Variants in SCN7A observed in about 807,000 individuals in gnomAD.
The protein encoded by SCN7A is sodium voltage-gated channel alpha subunit 7.
SCN7A carries 138 observed loss-of-function variants against 155.2 expected under a neutral mutation model. That is an observed-to-expected ratio of 0.89 (90% CI 0.77 to 1.02). SCN7A has a LOEUF of 1.02. Among genes scored for constraint, SCN7A ranks in the 50% least tolerant of loss-of-function variants. The probability of loss-of-function intolerance (pLI) is 0.00; values close to 1 mark genes in which losing one functional copy is unlikely to be tolerated. For missense variants in SCN7A, 2,058 were observed against 1,986.6 expected (o/e 1.04, Z -0.68); for synonymous variants, 693 against 649.0 (o/e 1.07, Z -1.03).
intron 21 of SCN7A, among the ~76,000 whole-genome samples, chr2:166,413,865 T>A (rs2105369955): frequency 6.8e-6 from 1 of 148,136 alleles, no homozygotes; most frequent in East Asian, 2.0e-4. Flanking sequence ...GTTTTGAGAC[T>A]CGGACTGGCT....
chr2:166,472,017 G>C (rs1016682334), intron 6 of SCN7A, among the ~76,000 whole-genome samples: 1 of 151,784 alleles, frequency 6.6e-6, no homozygotes, highest in African/African-American at 2.4e-5. Flanking sequence ...CAACGTGCAG[G>C]TTAGCTACAT....
chr2:166,452,554 A>G (rs1041563266), intron 11 of SCN7A, among the ~76,000 whole-genome samples: 1 of 152,162 alleles, frequency 6.6e-6, no homozygotes, highest in African/African-American at 2.4e-5. Flanking sequence ...ATCATTTTTT[A>G]ATTCGTTACA....
rs759318361 is a variant in SCN7A at position 166,406,089 on chromosome 2, C to A, written c.4540G>T (p.Asp1514Tyr). Residue 1514 changes from aspartate to tyrosine, a missense_variant, in exon 26 of 26, where the codon GAT (aspartate) becomes TAT (tyrosine). Transcript: ENST00000643258. The stretch of plus-strand genomic sequence containing the variant: ...CATACCTGAAAGAATTTCCTAAAAT[C>A]ATCTTCACTCAAGGTCTTGTTTTTC... Reference protein sequence around the residue: ...KKKNKTLSEDDFRKFFQVWKR... With the variant: ...KKKNKTLSEDYFRKFFQVWKR... 2 of 1,612,314 alleles carry A rather than the reference C, an allele frequency of 1.2e-6. No homozygotes were observed. Among genetic ancestry groups the A allele is most frequent in the South Asian group, 1.1e-5 (1 of 91,018 alleles).
At chr2:166,434,085 T>C (rs1168262077) in intron 15 of SCN7A, among the ~76,000 whole-genome samples, 1 of 152,156 alleles carries the variant, frequency 6.6e-6, no homozygotes, top group Non-Finnish European at 1.5e-5. Context: ...CAAAGACTCA[T>C]ATTTTGAAAC....
rs1344376562 is a variant in SCN7A at position 166,405,791 on chromosome 2, C to T, written c.4838G>A (p.Cys1613Tyr). 6.2e-7 allele frequency: 1 copy of T among 1,612,936 alleles called. No homozygotes were observed. Among genetic ancestry groups the T allele is most frequent in the Non-Finnish European group, 8.5e-7 (1 of 1,179,370 alleles). ...FLLANPFKIT[C>Y]EPITTTLKRK... Reference sequence around the variant, plus strand: ...TTTCAAAGTAGTCGTAATTGGCTCACATGTGATCTTAAAAGGGTTGGCTAA... The same window carrying T: ...TTTCAAAGTAGTCGTAATTGGCTCATATGTGATCTTAAAAGGGTTGGCTAA... The change falls in exon 26 of 26, where the codon TGT (cysteine) becomes TAT (tyrosine). Residue 1613 changes from cysteine (C) to tyrosine (Y), a missense_variant. Transcript: ENST00000643258.
At position 166,443,559 on chromosome 2, in the gene SCN7A, T is replaced by C. The variant is rs1346760508; in HGVS notation, c.1744A>G (p.Ile582Val). ...GCAACATTTGCTAGACAAAGTTCTA[T>C]TAAACCATGGAACACTATCATGCTA... is the stretch of plus-strand genomic sequence containing the variant. ...FDSMIVFHGL[I>V]ELCLANVAGM... Residue 582 changes from isoleucine to valine, a missense_variant, in exon 14 of 26, where the codon ATA becomes GTA. Coordinates refer to ENST00000643258, the MANE Select transcript of SCN7A (RefSeq NM_002976.4). The C allele has an allele frequency of 6.3e-7, 1 of 1,595,614 alleles. No homozygotes were observed. The highest frequency in any genetic ancestry group is 1.7e-5 in the Admixed American group (1 of 57,304).
chr2:166,432,189 G>A (rs1287725029), intron 16 of SCN7A, 129 bp downstream of exon 16: 3 of 668,548 alleles, frequency 4.5e-6, no homozygotes, highest in Non-Finnish European at 7.5e-6. Flanking sequence ...GGCTAAGAGT[G>A]ATGGAGCTAG....
At chr2:166,460,700 C>T (rs1355046065) in intron 10 of SCN7A, among the ~76,000 whole-genome samples, 1 of 152,040 alleles carries the variant, frequency 6.6e-6, no homozygotes, top group East Asian at 1.9e-4. Context: ...GTACAACATA[C>T]ATGGAAATAT....
Position 166,414,232 on chromosome 2 carries a change from A to AT in SCN7A, c.3415-1112dup, listed in dbSNP as rs1359619124. 3.2e-3 allele frequency among the ~76,000 whole-genome samples: 256 copies of AT among 79,958 alleles called. 2 individuals carry two copies. The highest frequency in any genetic ancestry group is 7.9e-3 in the African/African-American group (151 of 19,148). The allele number at this position is 79,958 out of a possible 152,430, so 52.5% of individuals were successfully genotyped here. A position where few individuals can be genotyped will look rare whatever the true frequency, so the allele number is the denominator to read the frequency against. On this transcript the variant is annotated intron_variant, in intron 21 of 25. Transcript: ENST00000643258. ...TATGTAAATATATATAAATATATAT[A>AT]TCTATATATGTAAATATATATAGAT...
Position 166,478,980 on chromosome 2 carries a change from T to C in SCN7A, c.-14-1270A>G, listed in dbSNP as rs1575064961. ...TCAAAATTTACTCTTCCAATGATTC[T>C]ATTCAATGTCAAAAGATTGATTTTT... On this transcript the variant is annotated intron_variant, in intron 2 of 25. Transcript: ENST00000643258. 2.0e-5 allele frequency among the ~76,000 whole-genome samples: 3 copies of C among 152,238 alleles called. No individual in the cohort carries two copies. In the East Asian group the frequency reaches 5.8e-4, roughly 29 times the overall value.
intron 23 of SCN7A, among the ~76,000 whole-genome samples, chr2:166,411,698 G>A (rs768616967): frequency 1.3e-5 from 2 of 151,910 alleles, no homozygotes; most frequent in Non-Finnish European, 2.9e-5. Context: ...GCATCTTAAC[G>A]TGAACAGAAA....
chr2:166,437,527 G>A (rs189481297), intron 15 of SCN7A, among the ~76,000 whole-genome samples: 1 of 152,272 alleles, frequency 6.6e-6, no homozygotes, highest in African/African-American at 2.4e-5. Flanking sequence ...GTGGAGCTGT[G>A]AGAAGAGGGT....
At chr2:166,434,080 A>T (rs1701787465) in intron 15 of SCN7A, among the ~76,000 whole-genome samples, 2 of 152,088 alleles carry the variant, frequency 1.3e-5, no homozygotes, top group Admixed American at 1.3e-4. Context: ...ATCTCCAAAG[A>T]CTCATATTTT....
At chr2:166,475,349 C>T (rs549223448) in intron 3 of SCN7A, among the ~76,000 whole-genome samples, 29 of 149,458 alleles carry the variant, frequency 1.9e-4, no homozygotes, top group South Asian at 6.3e-4. Context: ...TTAGATACTA[C>T]GGTATTATAT....
chr2:166,405,942 C>A lies in SCN7A; in HGVS notation c.4687G>T (p.Asp1563Tyr). The A allele has an allele frequency of 3.7e-6, 6 of 1,612,954 alleles. No individual in the cohort carries two copies. The highest frequency in any genetic ancestry group is 4.2e-6 in the Non-Finnish European group (5 of 1,179,364). The change falls in exon 26 of 26, where the codon GAC becomes TAC. Residue 1563 changes from aspartate to tyrosine, a missense_variant. Coordinates refer to ENST00000643258, the MANE Select transcript of SCN7A (RefSeq NM_002976.4). ...CTGTCCCCAACAGCCATGGGGAGGTCCAAAGCAATGAGCTGGCCCTTGTTT... is the reference window on the plus strand; with the variant it reads ...CTGTCCCCAACAGCCATGGGGAGGTACAAAGCAATGAGCTGGCCCTTGTTT... ...KPNKGQLIAL[D>Y]LPMAVGDRIH...
intron 10 of SCN7A, 47 bp from the exon 11 acceptor site, chr2:166,457,123 C>T (rs771597002): frequency 7.5e-7 from 1 of 1,339,766 alleles, no homozygotes; most frequent in East Asian, 2.3e-5. Context: ...TGTTATTTAT[C>T]TTCCAGGATT....
chr2:166,424,955 T>C (rs911717403), intron 18 of SCN7A, among the ~76,000 whole-genome samples: 3 of 151,890 alleles, frequency 2.0e-5, no homozygotes, highest in Admixed American at 6.6e-5. Flanking sequence ...AACACACAAC[T>C]GAAGCCCTTC....
At chr2:166,469,288 C>G (rs1215780839) in intron 7 of SCN7A, among the ~76,000 whole-genome samples, 2 of 151,528 alleles carry the variant, frequency 1.3e-5, no homozygotes, top group African/African-American at 4.8e-5. Flanking sequence ...TTTACGGCTT[C>G]CATTACCACT....
rs1444342567 is a variant in SCN7A, at chr2:166,404,977, A to T, written c.*603T>A. 1 of 151,962 alleles carries T rather than the reference A, an allele frequency of 6.6e-6. No individual in the cohort carries two copies. The highest frequency in any genetic ancestry group is 1.5e-5 in the Non-Finnish European group (1 of 67,938). 9.4% of individuals were successfully genotyped at this position (151,962 alleles called of 1,614,324 possible). A position where few individuals can be genotyped will look rare whatever the true frequency, so the allele number is the denominator to read the frequency against. On this transcript the variant is annotated 3_prime_UTR_variant, in exon 26 of 26. Transcript: ENST00000643258. ...GAAATCCTATTCATTCCCAGTTCCA[A>T]ATGAAAACAAGAACATACAAAAATA...
Sources: allele counts gnomAD v4.1 joint callset (sites outside exome capture counted in the v4.1 genomes callset), GRCh38; gene constraint gnomAD v4.1.1; transcripts MANE v1.5; gene names NCBI Gene and HGNC (gene_info 2026-07-23, HGNC 2026-07-21).